The following GLB1 variants were observed in gnomAD, a reference collection of about 807,000 sequenced individuals.
The protein encoded by GLB1 is beta-galactosidase.
Under a neutral mutation model 74.0 loss-of-function variants are expected in GLB1, and 56 were observed. The ratio of observed to expected loss-of-function variants is 0.76; its 90% CI spans 0.61 to 0.94. The LOEUF (loss-of-function observed/expected upper bound fraction) is 0.94, where lower values mean the gene tolerates loss of function less well. Among genes scored for constraint, GLB1 ranks in the 40% least tolerant of loss-of-function variants. GLB1 has a pLI of 0.00. For synonymous variants in GLB1, 323 were observed against 323.6 expected, an observed-to-expected ratio of 1.00 and a Z score of 0.02; for missense variants, 787 against 845.5, an observed-to-expected ratio of 0.93 and a Z score of 0.86.
Position 33,093,814 on chromosome 3 carries a change from T to G in GLB1, c.75+3197A>C. 1.2e-6 allele frequency: 2 copies of G among 1,613,392 alleles called. No individual in the cohort carries two copies. Among genetic ancestry groups the G allele is most frequent in the Non-Finnish European group, 1.7e-6 (2 of 1,179,748 alleles). On this transcript the variant is annotated intron_variant, in intron 1 of 15. Coordinates refer to ENST00000307363, the MANE Select transcript of GLB1 (RefSeq NM_000404.4). The surrounding 1 kb of genome is among the most constrained non-coding windows in gnomAD (Gnocchi z 6.0). ...CTGAGGATGAAGAGGAAGAAGAGCA[T>G]GATGATGTAAGCACCCAGGCAGGAG...
chr3:32,978,275 T>C, the GLB1 span, among the ~76,000 whole-genome samples: 1 of 152,188 alleles, frequency 6.6e-6, no homozygotes, highest in South Asian at 2.1e-4. Flanking sequence ...GTGAGATTCT[T>C]AGCACATTCG....
At chr3:33,041,171 A>G (rs767110189) in intron 10 of GLB1, among the ~76,000 whole-genome samples, 2 of 152,224 alleles carry the variant, frequency 1.3e-5, no homozygotes, top group Non-Finnish European at 2.9e-5. Context: ...AGCAGGATAA[A>G]CGAAAAGAAA....
intron 2 of GLB1, 57 bp from the exon 3 acceptor site, chr3:33,069,027 G>A: frequency 1.2e-6 from 2 of 1,613,868 alleles, no homozygotes; most frequent in Non-Finnish European, 1.7e-6. Context: ...GAAGAAAGAA[G>A]CGTGGGGAAA....
Position 33,014,156 on chromosome 3 carries a change from T to A in GLB1, c.1634A>T (p.Asn545Ile). ...HDEAWAHNSSNYTLPAFYMGN... is the reference protein window; with the variant it reads ...HDEAWAHNSSIYTLPAFYMGN... ...CATATAAAAGGCCGGGAGCGTGTAG[T>A]TGGATGAGTTGTGGGCCCAGGCTTC... The change falls in exon 15 of 16, where the codon AAC (asparagine) becomes ATC (isoleucine). Residue 545 changes from asparagine (N) to isoleucine (I), a missense_variant. Asn to Ile is a moderately radical substitution (Grantham distance 149). Transcript: ENST00000307363. The A allele has an allele frequency of 6.2e-7, 1 of 1,613,986 alleles. No individual in the cohort carries two copies. Among genetic ancestry groups the A allele is most frequent in the Non-Finnish European group, 8.5e-7 (1 of 1,179,980 alleles).
the GLB1 span, among the ~76,000 whole-genome samples, chr3:32,988,948 C>T: frequency 7.8e-6 from 1 of 128,164 alleles, no homozygotes; most frequent in Middle Eastern, 4.4e-3. Context: ...TCCAGGTAAT[C>T]ACAATTTTAG....
the GLB1 span, among the ~76,000 whole-genome samples, chr3:32,981,349 G>A: frequency 2.2e-5 from 3 of 138,494 alleles, no homozygotes; most frequent in South Asian, 2.3e-4. Flanking sequence ...GCAGTGAGCC[G>A]AGACCGCACC....
chr3:33,067,895 GT>G (rs945593039), intron 4 of GLB1, among the ~76,000 whole-genome samples: 2 of 151,980 alleles, frequency 1.3e-5, no homozygotes, highest in African/African-American at 4.8e-5. Flanking sequence ...TTGTTTGTTT[GT>G]TTGTTTTGAG....
intron 2 of GLB1, among the ~76,000 whole-genome samples, chr3:33,072,219 A>C (rs1699912524): frequency 6.6e-6 from 1 of 152,156 alleles, no homozygotes; most frequent in Admixed American, 6.5e-5. Context: ...AATAATACCT[A>C]TCTCGAGGAA....
intron 15 of GLB1, among the ~76,000 whole-genome samples, chr3:33,012,028 C>T (rs1219158974): frequency 6.6e-6 from 1 of 152,168 alleles, no homozygotes; most frequent in Non-Finnish European, 1.5e-5. Flanking sequence ...TGGTTTTCTT[C>T]CTACTTGTTT....
At chr3:33,021,721 T>A in intron 11 of GLB1, 66 bp from the exon 12 acceptor site, 1 of 1,554,304 alleles carries the variant, frequency 6.4e-7, no homozygotes, top group Non-Finnish European at 8.8e-7. Context: ...TACAGAGTCA[T>A]TCCCTAATTA....
At chr3:32,997,850 G>A (rs1349548122) in intron 15 of GLB1, among the ~76,000 whole-genome samples, 7 of 152,198 alleles carry the variant, frequency 4.6e-5, no homozygotes, top group Admixed American at 3.9e-4. Context: ...CTGTACACCT[G>A]GTGAACACAG....
chr3:33,094,861 T>G (rs1700940616), intron 1 of GLB1, among the ~76,000 whole-genome samples: 1 of 152,212 alleles, frequency 6.6e-6, no homozygotes, highest in African/African-American at 2.4e-5. Flanking sequence ...GTTTTTCAAA[T>G]ATATATATTG....
intron 1 of GLB1, 26 bp from the exon 2 acceptor site, chr3:33,072,739 G>A (rs1699931093): frequency 6.2e-7 from 1 of 1,613,918 alleles, no homozygotes; most frequent in Non-Finnish European, 8.5e-7. Context: ...GGGGTCACAT[G>A]AGAACTTCCA....
At chr3:32,967,166 G>A in the GLB1 span, among the ~76,000 whole-genome samples, 2 of 152,200 alleles carry the variant, frequency 1.3e-5, no homozygotes, top group African/African-American at 4.8e-5. Context: ...AAGGGATAGA[G>A]ATTGAAAAGG....
intron 1 of GLB1, among the ~76,000 whole-genome samples, chr3:33,087,288 G>A (rs1297409652): frequency 6.6e-6 from 1 of 152,098 alleles, no homozygotes; most frequent in Non-Finnish European, 1.5e-5. Flanking sequence ...ACCTCAAAGA[G>A]GCCGGGTACG....
rs761474828 is a variant in GLB1, at chr3:33,093,672, A to G, written c.75+3339T>C. On this transcript the variant is annotated intron_variant, in intron 1 of 15. Transcript: ENST00000307363. This position sits in a 1 kb window ranked among gnomAD's most constrained non-coding sequence, Gnocchi z 6.0. Reference sequence around the variant, plus strand: ...ATTCAGAATCCCGGCCACGCTGAGCACAGCAGTCACTCCCACTGCCAGGGC... The same window carrying G: ...ATTCAGAATCCCGGCCACGCTGAGCGCAGCAGTCACTCCCACTGCCAGGGC... 6.2e-6 allele frequency: 10 copies of G among 1,614,010 alleles called. No individual in the cohort carries two copies. The highest frequency in any genetic ancestry group is 2.2e-5 in the East Asian group (1 of 44,876).
At chr3:33,003,177 C>A (rs1048235461) in intron 15 of GLB1, among the ~76,000 whole-genome samples, 3 of 152,194 alleles carry the variant, frequency 2.0e-5, no homozygotes, top group Non-Finnish European at 4.4e-5. Context: ...CCAAATAGAA[C>A]TGAAGCCATC....
At chr3:32,966,526 C>A in the GLB1 span, among the ~76,000 whole-genome samples, 1 of 152,222 alleles carries the variant, frequency 6.6e-6, no homozygotes, top group Non-Finnish European at 1.5e-5. Flanking sequence ...AGGGAGTTGC[C>A]TTGTTTCAGA....
At chr3:33,024,928 T>A (rs1165090033) in intron 10 of GLB1, among the ~76,000 whole-genome samples, 1 of 150,554 alleles carries the variant, frequency 6.6e-6, no homozygotes, top group African/African-American at 2.4e-5. Context: ...TAAGTCCGGG[T>A]GGAGAATATA....
Sources: allele counts gnomAD v4.1 joint callset (sites outside exome capture counted in the v4.1 genomes callset), GRCh38; gene constraint gnomAD v4.1.1; non-coding constraint Gnocchi (gnomAD v3.1); transcripts MANE v1.5; gene names NCBI Gene and HGNC (gene_info 2026-07-23, HGNC 2026-07-21).